SLC39A11: variants seen among roughly 807,000 people sequenced by gnomAD.
SLC39A11 encodes solute carrier family 39 member 11.
In SLC39A11, 33 loss-of-function variants were observed where a neutral mutation model predicts 36.1. That is an observed-to-expected ratio of 0.91 (90% confidence interval 0.69 to 1.22). The LOEUF is 1.22. SLC39A11 is among the 50% of genes most tolerant of loss of function. The pLI is 0.00. For synonymous variants in SLC39A11, 166 were observed against 170.3 expected, an observed-to-expected ratio of 0.97 and a Z score of 0.20; for missense variants, 432 against 430.3, an observed-to-expected ratio of 1.00 and a Z score of -0.03.
chr17:72,947,914 C>G (rs1377468989), intron 4 of SLC39A11, 39 bp from the exon 5 acceptor site: 5 of 1,608,618 alleles, frequency 3.1e-6, no homozygotes, highest in Non-Finnish European at 4.2e-6. Context: ...AGCACCACTA[C>G]TGTGTTAATT....
chr17:72,898,915 A>G (rs1434124692), intron 5 of SLC39A11, among the ~76,000 whole-genome samples: 1 of 152,128 alleles, frequency 6.6e-6, no homozygotes, highest in Non-Finnish European at 1.5e-5. Flanking sequence ...CTCTTGCTGG[A>G]GCAGGAGGAG....
intron 3 of SLC39A11, 108 bp downstream of exon 3, chr17:73,084,700 C>T: frequency 9.9e-7 from 1 of 1,013,294 alleles, no homozygotes; most frequent in East Asian, 2.4e-5. Flanking sequence ...CTGAGGAACA[C>T]AGAGATGCAT....
At chr17:72,731,404 G>A (rs1298941594) in intron 7 of SLC39A11, among the ~76,000 whole-genome samples, 1 of 152,196 alleles carries the variant, frequency 6.6e-6, no homozygotes. Context: ...AATGTTGGGG[G>A]TAGGACGTGG....
intron 6 of SLC39A11, among the ~76,000 whole-genome samples, chr17:72,799,572 G>T (rs1407026084): frequency 6.6e-6 from 1 of 151,990 alleles, no homozygotes; most frequent in African/African-American, 2.4e-5. Context: ...ATGCATTCCT[G>T]GGGGGAGATC....
chr17:73,072,145 T>C (rs1317491084), intron 3 of SLC39A11: 1 of 152,174 alleles, frequency 6.6e-6, no homozygotes, highest in African/African-American at 2.4e-5. Flanking sequence ...CAATCACATA[T>C]ACTCATTCCC....
intron 2 of SLC39A11, among the ~76,000 whole-genome samples, chr17:73,088,155 G>A (rs1320976201): frequency 3.3e-5 from 5 of 152,024 alleles, no homozygotes; most frequent in Non-Finnish European, 5.9e-5. Flanking sequence ...TTAGCCAGGC[G>A]TGGTGGCACA....
At chr17:72,857,986 C>G (rs1198277823) in intron 5 of SLC39A11, among the ~76,000 whole-genome samples, 1 of 152,158 alleles carries the variant, frequency 6.6e-6, no homozygotes, top group Non-Finnish European at 1.5e-5. Flanking sequence ...TTAATTAGAT[C>G]CCATATGTCA....
chr17:72,907,484 C>G (rs996878686), intron 5 of SLC39A11, among the ~76,000 whole-genome samples: 6 of 152,068 alleles, frequency 3.9e-5, no homozygotes, highest in African/African-American at 1.4e-4. Context: ...AGTGACGGAG[C>G]GAGACTCCAA....
chr17:73,077,079 C>T (rs1415787990), intron 3 of SLC39A11, among the ~76,000 whole-genome samples: 1 of 152,094 alleles, frequency 6.6e-6, no homozygotes, highest in African/African-American at 2.4e-5. Flanking sequence ...AATGTGTTGG[C>T]CTTATTAAAT....
chr17:72,894,070 T>TTACAGAGGG (rs2081901421), intron 5 of SLC39A11, among the ~76,000 whole-genome samples: 1 of 151,668 alleles, frequency 6.6e-6, no homozygotes. Flanking sequence ...AAATAGAAAA[T>TTACAGAGGG]TACAGAGGGG....
rs182664691 is a variant in SLC39A11, at chr17:73,016,639, G to A, written c.306+14917C>T. Among the ~76,000 whole-genome samples the A allele has an allele frequency of 1.1e-3, 167 of 152,054 alleles. No homozygotes were observed. In the East Asian group the frequency reaches 0.018, roughly 16 times the overall value. Reference sequence around the variant, plus strand: ...GTGAGCCACCACACCTCACTCCAATGCACACAAAACCTCCCAAAGAGCACC... The same window carrying A: ...GTGAGCCACCACACCTCACTCCAATACACACAAAACCTCCCAAAGAGCACC... On this transcript the variant is annotated intron_variant, in intron 4 of 9. Transcript: ENST00000255559.
At chr17:72,935,082 C>T (rs2084660011) in intron 5 of SLC39A11, among the ~76,000 whole-genome samples, 1 of 152,210 alleles carries the variant, frequency 6.6e-6, no homozygotes, top group Non-Finnish European at 1.5e-5. Context: ...ATAGACGTTT[C>T]ATTCATAATT....
At chr17:72,963,327 C>A (rs546743641) in intron 4 of SLC39A11, among the ~76,000 whole-genome samples, 1 of 151,940 alleles carries the variant, frequency 6.6e-6, no homozygotes, top group South Asian at 2.1e-4. Context: ...CCCGCCACCA[C>A]GCCCGGCTAA....
intron 5 of SLC39A11, among the ~76,000 whole-genome samples, chr17:72,887,821 C>G (rs1002437977): frequency 4.6e-5 from 7 of 152,168 alleles, no homozygotes; most frequent in African/African-American, 1.7e-4. Flanking sequence ...AGTGCCATCT[C>G]TCCTCAGCAG....
intron 4 of SLC39A11, among the ~76,000 whole-genome samples, chr17:72,949,217 T>C (rs925523595): frequency 7.7e-6 from 1 of 130,324 alleles, no homozygotes; most frequent in African/African-American, 3.0e-5. Flanking sequence ...TGGAGTGCAG[T>C]GGTGCAATCT....
At chr17:72,802,904 A>G (rs1598799995) in intron 6 of SLC39A11, among the ~76,000 whole-genome samples, 1 of 152,154 alleles carries the variant, frequency 6.6e-6, no homozygotes, top group Non-Finnish European at 1.5e-5. Flanking sequence ...ACTGGGAGCC[A>G]CCTTCAGGCT....
chr17:72,738,606 G>A (rs2074535778), intron 6 of SLC39A11, among the ~76,000 whole-genome samples: 1 of 152,156 alleles, frequency 6.6e-6, no homozygotes, highest in South Asian at 2.1e-4. Context: ...CCAAAGGAGT[G>A]GAAGCACAGC....
intron 6 of SLC39A11, among the ~76,000 whole-genome samples, chr17:72,797,716 G>C (rs1568109384): frequency 6.6e-6 from 1 of 152,146 alleles, no homozygotes; most frequent in African/African-American, 2.4e-5. Context: ...TGGAGCTGAA[G>C]TTTAGGGATA....
intron 7 of SLC39A11, among the ~76,000 whole-genome samples, chr17:72,674,970 A>C (rs115805860): frequency 2.8e-5 from 4 of 141,848 alleles, no homozygotes; most frequent in Non-Finnish European, 4.6e-5. Flanking sequence ...CATTGGAAAA[A>C]AAAGTGTGTG....
Sources: allele counts gnomAD v4.1 joint callset (sites outside exome capture counted in the v4.1 genomes callset), GRCh38; gene constraint gnomAD v4.1.1; transcripts MANE v1.5; gene names NCBI Gene and HGNC (gene_info 2026-07-23, HGNC 2026-07-21).